Variants in IQGAP1 observed in about 807,000 individuals in gnomAD.
IQGAP1 encodes IQ motif containing GTPase activating protein 1.
A neutral mutation model predicts 215.6 loss-of-function variants in IQGAP1; 66 were observed. The observed-to-expected ratio is 0.31, with a 90% CI of 0.25 to 0.38. IQGAP1 has a LOEUF of 0.38. Ranked by LOEUF, IQGAP1 falls within the 10% of genes least tolerant of loss-of-function variation. The pLI is 1.00. For missense variants in IQGAP1, 1,712 were observed against 1,997.1 expected, an observed-to-expected ratio of 0.86 and a Z score of 2.72; for synonymous variants, 772 against 728.7, an observed-to-expected ratio of 1.06 and a Z score of -0.96.
intron 2 of IQGAP1, among the ~76,000 whole-genome samples, chr15:90,415,246 T>C (rs1441982764): frequency 6.6e-6 from 1 of 152,248 alleles, no homozygotes; most frequent in Non-Finnish European, 1.5e-5. Context: ...AATTTGTGTT[T>C]CTAGCATATT....
Position 90,473,090 on chromosome 15 carries a change from GTC to G in IQGAP1, c.2349+82_2349+83del. 6.7e-6 allele frequency: 9 copies of G among 1,340,902 alleles called. No individual in the cohort carries two copies. In the South Asian group the frequency reaches 1.1e-4, roughly 16 times the overall value. 83.1% of individuals were successfully genotyped at this position (1,340,902 alleles called of 1,614,324 possible). On this transcript the variant is annotated intron_variant, in intron 19 of 37. Transcript: ENST00000268182. ...AAACGGTCAGCTGTCACCATTGACT[GTC>G]TGAGTGTGTTTTTTGAGTGCTGGAC... is the stretch of plus-strand genomic sequence containing the variant.
chr15:90,481,725 G>A (rs1426068487), intron 26 of IQGAP1, among the ~76,000 whole-genome samples: 1 of 152,134 alleles, frequency 6.6e-6, no homozygotes, highest in Admixed American at 6.5e-5. Flanking sequence ...GTCATGTCTT[G>A]TATAACTTTT....
In IQGAP1 at chr15:90,484,789, G is replaced by A. The variant is rs113665273; in HGVS notation, c.3921+437G>A. Among the ~76,000 whole-genome samples the A allele has an allele frequency of 2.6e-5, 4 of 152,176 alleles. No individual in the cohort carries two copies. In the South Asian group the frequency reaches 6.2e-4, roughly 24 times the overall value. On this transcript the variant is annotated intron_variant, in intron 30 of 37. Transcript: ENST00000268182. ...CCCCAAAAGTGCTGGGATTACAGGC[G>A]TGAGCCACCACGCCTGGCCTTTTGC...
chr15:90,388,245 C>G lies in IQGAP1; in HGVS notation c.-97C>G, dbSNP rs570515211. ...CGGCACGGGGCGGGGCCTCGGGGAC[C>G]CCGGCAAGCCCGCGCACTTGGCAGG... On this transcript the variant is annotated 5_prime_UTR_variant, in exon 1 of 38. Coordinates refer to ENST00000268182, the MANE Select transcript of IQGAP1 (RefSeq NM_003870.4). The G allele has an allele frequency of 1.4e-6, 2 of 1,398,946 alleles. No individual in the cohort carries two copies. The highest frequency in any genetic ancestry group is 1.5e-5 in the African/African-American group (1 of 67,248). 86.7% of individuals were successfully genotyped at this position (1,398,946 alleles called of 1,614,324 possible).
At position 90,444,807 on chromosome 15, in the gene IQGAP1, G is replaced by C. The variant is rs189481142; in HGVS notation, c.913+1329G>C. On this transcript the variant is annotated intron_variant, in intron 9 of 37. Coordinates refer to ENST00000268182, the MANE Select transcript of IQGAP1 (RefSeq NM_003870.4). The stretch of plus-strand genomic sequence containing the variant: ...TACAGCTCTTTGTAGAAGCTCATTT[G>C]CCTAATTACCTCCCATACTCATTCT... 2.2e-3 allele frequency among the ~76,000 whole-genome samples: 336 copies of C among 152,206 alleles called. 2 individuals are homozygous for C. The highest frequency in any genetic ancestry group is 7.8e-3 in the African/African-American group (322 of 41,526).
chr15:90,474,020 G>C (rs1355799443), intron 21 of IQGAP1, 44 bp from the exon 22 acceptor site: 1 of 1,605,188 alleles, frequency 6.2e-7, no homozygotes, highest in South Asian at 1.1e-5. Context: ...CCATATTTTT[G>C]GTAGACAGAT....
chr15:90,473,702 T>G lies in IQGAP1; in HGVS notation c.2350-13T>G. 6.3e-7 allele frequency: 1 copy of G among 1,587,788 alleles called. No homozygotes were observed. Among genetic ancestry groups the G allele is most frequent in the Non-Finnish European group, 8.6e-7 (1 of 1,157,500 alleles). ...GGAAGTAATATGTCTTCTGTAACATTTGACTGTTTCAGTCACAGTGGAGAG... is the reference window on the plus strand; with the variant it reads ...GGAAGTAATATGTCTTCTGTAACATGTGACTGTTTCAGTCACAGTGGAGAG... On this transcript the variant is annotated splice_polypyrimidine_tract_variant and intron_variant, in intron 19 of 37. Coordinates refer to ENST00000268182, the MANE Select transcript of IQGAP1 (RefSeq NM_003870.4).
Position 90,441,562 on chromosome 15 carries a change from A to T in IQGAP1, c.706A>T (p.Thr236Ser). Residue 236 changes from threonine to serine, a missense_variant, in exon 8 of 38, where the codon ACA becomes TCA. Thr to Ser is a moderately conservative substitution (Grantham distance 58, BLOSUM62 1). Around this residue, in one of 2 missense-constraint regions of IQGAP1, gnomAD observed 1,021 missense variants for 1,074.2 expected, o/e 0.95. Transcript: ENST00000268182. ...TATTGACCGTAGAATTCCAGCCGAC[A>T]CATTTGCAGCTTTGAAAAATCCGAA... ...EAIDRRIPAD[T>S]FAALKNPNAM... The T allele has an allele frequency of 6.2e-7, 1 of 1,613,842 alleles. No homozygotes were observed. The highest frequency in any genetic ancestry group is 8.5e-7 in the Non-Finnish European group (1 of 1,179,952).
chr15:90,439,263 T>A (rs997043925), intron 5 of IQGAP1, 69 bp from the exon 6 acceptor site: 7 of 1,110,864 alleles, frequency 6.3e-6, no homozygotes, highest in Middle Eastern at 2.3e-4. Context: ...TCATGCTGAT[T>A]TTCGCCTTTT....
chr15:90,388,724 G>C (rs1596241890), intron 1 of IQGAP1, among the ~76,000 whole-genome samples: 2 of 152,190 alleles, frequency 1.3e-5, no homozygotes, highest in African/African-American at 4.8e-5. Flanking sequence ...GGATGACCGC[G>C]CAGGGCGTGT....
Position 90,467,594 on chromosome 15 carries a change from T to TA in IQGAP1, c.2178+3dup. 1 of 1,602,384 alleles carries TA rather than the reference T, an allele frequency of 6.2e-7. No individual in the cohort carries two copies. ...CAGCTTTCTCGGGAGGAGATCCAGG[T>TA]AGGTTACCTTTCTTCACGTAAGAAG... On this transcript the variant is annotated splice_region_variant and intron_variant, in intron 18 of 37. Coordinates refer to ENST00000268182, the MANE Select transcript of IQGAP1 (RefSeq NM_003870.4).
intron 33 of IQGAP1, among the ~76,000 whole-genome samples, chr15:90,490,686 A>G (rs1421008461): frequency 6.6e-6 from 1 of 152,058 alleles, no homozygotes; most frequent in African/African-American, 2.4e-5. Context: ...AATGGCTTCC[A>G]TGTCTCAAAA....
Position 90,453,170 on chromosome 15 carries a change from G to A in IQGAP1, c.1365G>A (p.Glu455=). The A allele has an allele frequency of 6.2e-7, 1 of 1,613,954 alleles. No homozygotes were observed. Among genetic ancestry groups the A allele is most frequent in the African/African-American group, 1.3e-5 (1 of 75,002 alleles). The change falls in exon 13 of 38, where the codon GAG becomes GAA. Residue 455 remains glutamate (E), a synonymous_variant. Coordinates refer to ENST00000268182, the MANE Select transcript of IQGAP1 (RefSeq NM_003870.4). ...LTHPELSVAV[E]MLSSVALINR... ...ACCCAGAGCTCTCTGTCGCAGTGGAGATGTTGTCATCGGTGGCCCTGATCA... is the reference window on the plus strand; with the variant it reads ...ACCCAGAGCTCTCTGTCGCAGTGGAAATGTTGTCATCGGTGGCCCTGATCA...
rs1966222034 is a variant in IQGAP1, at chr15:90,492,643, T to C, written c.4560T>C (p.Tyr1520=). 3 of 1,614,052 alleles carry C rather than the reference T, an allele frequency of 1.9e-6. No homozygotes were observed. Among genetic ancestry groups the C allele is most frequent in the Non-Finnish European group, 2.5e-6 (3 of 1,179,978 alleles). Residue 1520 remains tyrosine (Y), a synonymous_variant, in exon 35 of 38, where the codon TAT becomes TAC. Transcript: ENST00000268182. The part of the protein sequence containing the change: ...YAALNSKATF[Y]GEQVDYYKSY... Reference sequence around the variant, plus strand: ...CTCTGAACTCTAAGGCCACCTTTTATGGGGAGCAGGTGGATTACTATAAAA... The same window carrying C: ...CTCTGAACTCTAAGGCCACCTTTTACGGGGAGCAGGTGGATTACTATAAAA...
At chr15:90,494,242 T>A (rs1966243727) in intron 35 of IQGAP1, 1 of 152,422 alleles carries the variant, frequency 6.6e-6, no homozygotes, top group Non-Finnish European at 1.5e-5. Context: ...CCTAACCTGT[T>A]TCTTTTTCCT....
At chr15:90,410,855 A>AG (rs1463831413) in intron 2 of IQGAP1, among the ~76,000 whole-genome samples, 1 of 151,410 alleles carries the variant, frequency 6.6e-6, no homozygotes. Flanking sequence ...AAAAAAAAAA[A>AG]AAAGAAAAAA....
intron 36 of IQGAP1, chr15:90,496,904 G>A (rs1260225734): frequency 2.3e-5 from 4 of 174,404 alleles, no homozygotes; most frequent in Non-Finnish European, 4.8e-5. Context: ...TTATCATTAG[G>A]TTTCCTTTTT....
Position 90,388,533 on chromosome 15 carries a change from G to GGGGCGGC in IQGAP1, c.55+151_55+157dup, listed in dbSNP as rs1020080694. ...TCGGACCCGGAAGAGCCGTCCCGGT[G>GGGGCGGC]GGGCGGCGGGCGGCGGGCGGGGAGG... On this transcript the variant is annotated intron_variant, in intron 1 of 37. Transcript: ENST00000268182. 5.8e-4 allele frequency: 435 copies of GGGGCGGC among 746,604 alleles called. 3 individuals carry two copies. Among genetic ancestry groups the GGGGCGGC allele is most frequent in the Admixed American group, 1.9e-3 (43 of 22,848 alleles). 46.2% of individuals were successfully genotyped at this position (746,604 alleles called of 1,614,324 possible).
Position 90,476,827 on chromosome 15 carries a change from C to A in IQGAP1, c.2940+9C>A, listed in dbSNP as rs1406251273. 1 of 1,581,202 alleles carries A rather than the reference C, an allele frequency of 6.3e-7. No individual in the cohort carries two copies. The highest frequency in any genetic ancestry group is 8.5e-7 in the Non-Finnish European group (1 of 1,171,940). On this transcript the variant is annotated intron_variant, in intron 24 of 37. Coordinates refer to ENST00000268182, the MANE Select transcript of IQGAP1 (RefSeq NM_003870.4). The stretch of plus-strand genomic sequence containing the variant: ...TGTTTTATTTATTGCAAGTAAGTGG[C>A]TCCTGGAATCAGTGTTATAAAAATT...
Sources: allele counts gnomAD v4.1 joint callset (sites outside exome capture counted in the v4.1 genomes callset), GRCh38; gene constraint gnomAD v4.1.1; regional missense constraint gnomAD v4.1.1; transcripts MANE v1.5; gene names NCBI Gene and HGNC (gene_info 2026-07-23, HGNC 2026-07-21).